PCDHGB4: variants seen among roughly 807,000 people sequenced by gnomAD.
The protein encoded by PCDHGB4 is protocadherin gamma subfamily B, 4.
In PCDHGB4, 38 loss-of-function variants were observed where a neutral mutation model predicts 60.5. The observed-to-expected ratio is 0.63, with a 90% confidence interval of 0.48 to 0.82. The LOEUF is 0.82. Among genes scored for constraint, PCDHGB4 ranks in the 40% least tolerant of loss-of-function variants. The pLI is 0.00. For missense variants in PCDHGB4, 1,109 were observed against 1,209.6 expected (o/e 0.92, Z 1.23); for synonymous variants, 456 against 509.7 (o/e 0.89, Z 1.42).
At chr5:141,400,557 ACC>A in intron 1 of PCDHGB4, 5 of 1,613,254 alleles carry the variant, frequency 3.1e-6, no homozygotes, top group Non-Finnish European at 3.4e-6. Context: ...CTTTTTCATT[ACC>A]CACCCAATTT....
chr5:141,504,583 A>G (rs1230825472), intron 2 of PCDHGB4, among the ~76,000 whole-genome samples: 1 of 146,622 alleles, frequency 6.8e-6, no homozygotes, highest in African/African-American at 2.5e-5. Flanking sequence ...CCATCTGCCC[A>G]GGATTCACAG....
In PCDHGB4 at chr5:141,422,662, G is replaced by A. The variant is rs771844166; in HGVS notation, c.2397+32381G>A. On this transcript the variant is annotated intron_variant, in intron 1 of 3. Transcript: ENST00000519479. Reference sequence around the variant, plus strand: ...CTCCATCTTCTCAGTGACCGCCCTCGACCCGGACAGCAAACAGAATGCCCT... The same window carrying A: ...CTCCATCTTCTCAGTGACCGCCCTCAACCCGGACAGCAAACAGAATGCCCT... 4 of 1,608,410 alleles carry A rather than the reference G, an allele frequency of 2.5e-6. No individual in the cohort carries two copies. In the South Asian group the frequency reaches 3.3e-5, roughly 13 times the overall value.
chr5:141,505,681 G>A (rs113733387), intron 3 of PCDHGB4, among the ~76,000 whole-genome samples, 200 bp downstream of exon 3: 92 of 152,324 alleles, frequency 6.0e-4, no homozygotes, highest in African/African-American at 2.1e-3. Flanking sequence ...GGGGTCCTGG[G>A]ATGCCTGGAG....
At chr5:141,409,464 C>A in intron 1 of PCDHGB4, 1 of 1,613,940 alleles carries the variant, frequency 6.2e-7, no homozygotes, top group South Asian at 1.1e-5. Context: ...TACAATGTCA[C>A]CATCGTAGCC....
chr5:141,428,846 A>G (rs936271540), intron 1 of PCDHGB4: 1 of 143,414 alleles, frequency 7.0e-6, no homozygotes, highest in Non-Finnish European at 1.5e-5. Flanking sequence ...CATTTTCACC[A>G]TTTTTACGGG....
intron 1 of PCDHGB4, among the ~76,000 whole-genome samples, chr5:141,492,165 C>T (rs932762928): frequency 1.4e-4 from 22 of 152,210 alleles, no homozygotes; most frequent in African/African-American, 4.8e-4. Context: ...TCCCTATCCC[C>T]GCATCACCCA....
chr5:141,421,829 T>C, intron 1 of PCDHGB4: 1 of 1,613,784 alleles, frequency 6.2e-7, no homozygotes, highest in Non-Finnish European at 8.5e-7. Flanking sequence ...GAGGGAAGCC[T>C]GGACCGAGAG....
chr5:141,496,766 CT>C (rs1361332988), intron 2 of PCDHGB4, among the ~76,000 whole-genome samples: 1 of 152,068 alleles, frequency 6.6e-6, no homozygotes, highest in Non-Finnish European at 1.5e-5. Context: ...TATCGAGCAT[CT>C]ACTATGAGCA....
chr5:141,437,116 GA>G (rs914218907), intron 1 of PCDHGB4, among the ~76,000 whole-genome samples: 4 of 152,150 alleles, frequency 2.6e-5, no homozygotes, highest in African/African-American at 9.7e-5. Flanking sequence ...GGATTTTTAG[GA>G]CACTTGTTGA....
rs575695102 is a variant in PCDHGB4 at position 141,421,063 on chromosome 5, G to C, written c.2397+30782G>C. 16 of 581,866 alleles carry C rather than the reference G, an allele frequency of 2.7e-5. No individual in the cohort carries two copies. The African/African-American group carries it at 2.9e-4, about 10-fold the overall frequency. 36.0% of individuals were successfully genotyped at this position (581,866 alleles called of 1,614,324 possible). A position where few individuals can be genotyped will look rare whatever the true frequency, so the allele number is the denominator to read the frequency against. ...CTCCCCCGCCTCTACCACACAAAGC[G>C]GAATGAGATGGATACTCACAGATCC... On this transcript the variant is annotated intron_variant, in intron 1 of 3. Coordinates refer to ENST00000519479, the MANE Select transcript of PCDHGB4 (RefSeq NM_003736.4).
chr5:141,421,109 T>C (rs2096547097), intron 1 of PCDHGB4: 2 of 715,670 alleles, frequency 2.8e-6, no homozygotes, highest in East Asian at 2.8e-5. Flanking sequence ...GACTTAGAAG[T>C]ATTTTCCTTC....
chr5:141,410,849 C>CTTTTTTTTTTT lies in PCDHGB4; in HGVS notation c.2397+20580_2397+20590dup, dbSNP rs759346998. On this transcript the variant is annotated intron_variant, in intron 1 of 3. Coordinates refer to ENST00000519479, the MANE Select transcript of PCDHGB4 (RefSeq NM_003736.4). ...CAGACTGAAGATATTTTGTCTTTGT[C>CTTTTTTTTTTT]TTTTTTTTTTTTTTTTTTTTTTGAG... 217 of 138,154 alleles carry CTTTTTTTTTTT rather than the reference C, an allele frequency of 1.6e-3. 10 individuals carry two copies. The highest frequency in any genetic ancestry group is 4.0e-3 in the African/African-American group (66 of 16,622). The allele number at this position is 138,154 out of a possible 1,614,324, so 8.6% of individuals were successfully genotyped here.
chr5:141,398,964 T>C lies in PCDHGB4; in HGVS notation c.2397+8683T>C, dbSNP rs768223911. 1.5e-5 allele frequency: 25 copies of C among 1,613,826 alleles called. No homozygotes were observed. In the South Asian group the frequency reaches 2.4e-4, roughly 16 times the overall value. On this transcript the variant is annotated intron_variant, in intron 1 of 3. Coordinates refer to ENST00000519479, the MANE Select transcript of PCDHGB4 (RefSeq NM_003736.4). ...AGGGCATCAACTCAGAAATTACTTA[T>C]TCCTTCTACAGAACCGGGCAAATCT...
At chr5:141,463,738 G>A (rs1002263384) in intron 1 of PCDHGB4, among the ~76,000 whole-genome samples, 4 of 151,978 alleles carry the variant, frequency 2.6e-5, no homozygotes, top group Admixed American at 2.6e-4. Flanking sequence ...GAGCCACCGC[G>A]CCCGGCCTGC....
intron 1 of PCDHGB4, chr5:141,430,944 G>T: frequency 1.2e-6 from 2 of 1,609,214 alleles, no homozygotes; most frequent in Non-Finnish European, 1.7e-6. Flanking sequence ...CTCGCGGAGC[G>T]CGGAGTCCGC....
chr5:141,392,900 A>G, intron 1 of PCDHGB4: 1 of 1,613,714 alleles, frequency 6.2e-7, no homozygotes, highest in Non-Finnish European at 8.5e-7. Flanking sequence ...TCGGGAGGGG[A>G]CAGATTCGCT....
Position 141,402,817 on chromosome 5 carries a change from C to T in PCDHGB4, c.2397+12536C>T, listed in dbSNP as rs1040353038. On this transcript the variant is annotated intron_variant, in intron 1 of 3. Transcript: ENST00000519479. ...ACAAAACCCGGCAGATACCACAAACCTGCTCCCAGGCTGCAGCAAAACTCA... is the reference window on the plus strand; with the variant it reads ...ACAAAACCCGGCAGATACCACAAACTTGCTCCCAGGCTGCAGCAAAACTCA... The T allele has an allele frequency of 6.3e-6, 8 of 1,267,616 alleles. No homozygotes were observed. In the African/African-American group the frequency reaches 1.2e-4, roughly 19 times the overall value. The allele number at this position is 1,267,616 out of a possible 1,614,324, so 78.5% of individuals were successfully genotyped here.
rs996556361 is a variant in PCDHGB4, at chr5:141,511,290, A to G, written c.*117A>G. 1.3e-6 allele frequency: 2 copies of G among 1,516,984 alleles called. No homozygotes were observed. The highest frequency in any genetic ancestry group is 1.8e-6 in the Non-Finnish European group (2 of 1,129,124). The allele number at this position is 1,516,984 out of a possible 1,614,324, so 94.0% of individuals were successfully genotyped here. ...AACCCCCAGAATACTGGTAGGGGCC[A>G]AGGCCATGCTCCCCTTGGGAAACAG... is the stretch of plus-strand genomic sequence containing the variant. On this transcript the variant is annotated 3_prime_UTR_variant, in exon 4 of 4. Coordinates refer to ENST00000519479, the MANE Select transcript of PCDHGB4 (RefSeq NM_003736.4).
At chr5:141,442,129 G>T in intron 1 of PCDHGB4, 1 of 165,104 alleles carries the variant, frequency 6.1e-6, no homozygotes, top group Non-Finnish European at 1.3e-5. Flanking sequence ...CCGACAGCCT[G>T]CAGGAGACTC....
Sources: allele counts gnomAD v4.1 joint callset (sites outside exome capture counted in the v4.1 genomes callset), GRCh38; gene constraint gnomAD v4.1.1; transcripts MANE v1.5; gene names NCBI Gene and HGNC (gene_info 2026-07-23, HGNC 2026-07-21).